PCSK6: variants seen among roughly 807,000 people sequenced by gnomAD.
PCSK6 encodes proprotein convertase subtilisin/kexin type 6.
In PCSK6, 85 loss-of-function variants were observed where a neutral mutation model predicts 123.3. The ratio of observed to expected loss-of-function variants is 0.69; its 90% CI spans 0.58 to 0.83. PCSK6 has a LOEUF of 0.83. Ranked by LOEUF, PCSK6 falls within the 40% of genes least tolerant of loss-of-function variation. PCSK6 has a pLI of 0.00. For synonymous variants in PCSK6, 508 were observed against 516.0 expected (o/e 0.98, Z 0.21); for missense variants, 1,191 against 1,282.3 (o/e 0.93, Z 1.09).
chr15:101,336,006 G>A (rs1420866148), intron 13 of PCSK6, among the ~76,000 whole-genome samples: 3 of 152,174 alleles, frequency 2.0e-5, no homozygotes, highest in African/African-American at 4.8e-5. Context: ...GTCAAAATAC[G>A]ACATTAGAAT....
intron 12 of PCSK6, among the ~76,000 whole-genome samples, chr15:101,368,043 T>G (rs2041453205): frequency 6.6e-6 from 1 of 152,242 alleles, no homozygotes. Flanking sequence ...CTCGAACTCC[T>G]GACCTCAGGT....
At chr15:101,350,785 T>C (rs915935307) in intron 13 of PCSK6, among the ~76,000 whole-genome samples, 7 of 152,194 alleles carry the variant, frequency 4.6e-5, no homozygotes, top group African/African-American at 1.7e-4. Context: ...ACGCTCCCCT[T>C]AAAGTGTGCT....
At chr15:101,344,285 A>G (rs2040683793) in intron 13 of PCSK6, among the ~76,000 whole-genome samples, 1 of 152,180 alleles carries the variant, frequency 6.6e-6, no homozygotes, top group Non-Finnish European at 1.5e-5. Flanking sequence ...TGTAGTTTTA[A>G]CAAGTTTTTG....
intron 1 of PCSK6, among the ~76,000 whole-genome samples, chr15:101,456,731 C>T (rs563721812): frequency 5.9e-5 from 9 of 152,172 alleles, no homozygotes; most frequent in Non-Finnish European, 1.0e-4. Context: ...GTGGAGGGAA[C>T]ATCTTCTCTA....
At position 101,326,438 on chromosome 15, in the gene PCSK6, G is replaced by C. The variant is rs2040254621; in HGVS notation, c.2119C>G (p.Pro707Ala). Residue 707 changes from proline (P) to alanine (A), a missense_variant, in exon 16 of 22, where the codon CCC becomes GCC. Around this residue, in one of 3 missense-constraint regions of PCSK6, gnomAD observed 630 missense variants for 631.4 expected, o/e 1.00. Coordinates refer to ENST00000611716, the MANE Select transcript of PCSK6 (RefSeq NM_002570.5). ...PECGDKGCDGPNADQCLNCVH... is the reference protein window; with the variant it reads ...PECGDKGCDGANADQCLNCVH... ...CAGTTCAAGCACTGGTCTGCATTGGGGCCATCACAGCCTTTGTCACCACAC... is the reference window on the plus strand; with the variant it reads ...CAGTTCAAGCACTGGTCTGCATTGGCGCCATCACAGCCTTTGTCACCACAC... The C allele has an allele frequency of 1.3e-6, 2 of 1,586,128 alleles. No homozygotes were observed. Among genetic ancestry groups the C allele is most frequent in the African/African-American group, 2.7e-5 (2 of 74,356 alleles).
intron 11 of PCSK6, among the ~76,000 whole-genome samples, chr15:101,372,473 C>A (rs2041615258): frequency 6.6e-6 from 1 of 152,226 alleles, no homozygotes; most frequent in Admixed American, 6.5e-5. Flanking sequence ...TCTAGAGATG[C>A]TGACTTCCTT....
In PCSK6 at chr15:101,304,946, T is replaced by G. The variant is rs2039687808; in HGVS notation, c.*312A>C. 2 of 309,978 alleles carry G rather than the reference T, an allele frequency of 6.5e-6. No homozygotes were observed. Among genetic ancestry groups the G allele is most frequent in the African/African-American group, 4.3e-5 (2 of 46,998 alleles). 19.2% of individuals were successfully genotyped at this position (309,978 alleles called of 1,614,324 possible). A position where few individuals can be genotyped will look rare whatever the true frequency, so the allele number is the denominator to read the frequency against. ...TTCTTTTCTGCTTTGGTCTTGAAGA[T>G]TCAGTAAACTTATGGTCCCAGAAGC... is the stretch of plus-strand genomic sequence containing the variant. On this transcript the variant is annotated 3_prime_UTR_variant, in exon 22 of 22. Transcript: ENST00000611716.
In PCSK6 at chr15:101,305,288, G is replaced by A. The variant is rs1263217287; in HGVS notation, c.2880C>T (p.Phe960=). Reference sequence around the variant, plus strand: ...CGGCCAGGAGGCACGTGCGGCAGCAGAACTGAATGAAGAGCTTCCGTTCGC... The same window carrying A: ...CGGCCAGGAGGCACGTGCGGCAGCAAAACTGAATGAAGAGCTTCCGTTCGC... ...RLCERKLFIQ[F]CCRTCLLAG is the part of the protein sequence containing the mutation. The change falls in exon 22 of 22, where the codon TTC becomes TTT. Residue 960 remains phenylalanine (F), a synonymous_variant. Transcript: ENST00000611716. This position sits in a 1 kb window ranked among gnomAD's most constrained non-coding sequence, Gnocchi z 4.8. 1.9e-6 allele frequency: 3 copies of A among 1,612,476 alleles called. No individual in the cohort carries two copies. Among genetic ancestry groups the A allele is most frequent in the South Asian group, 2.2e-5 (2 of 90,982 alleles).
chr15:101,313,235 TCTGTAAATGGGCTC>T, intron 20 of PCSK6, 127 bp downstream of exon 20: 1 of 1,555,086 alleles, frequency 6.4e-7, no homozygotes, highest in Non-Finnish European at 8.7e-7. Flanking sequence ...CCTCAGCAGC[TCTGTAAATGGGCTC>T]CTGTCCACAG....
chr15:101,429,675 G>C (rs934887217), intron 5 of PCSK6, among the ~76,000 whole-genome samples: 2 of 152,216 alleles, frequency 1.3e-5, no homozygotes, highest in Non-Finnish European at 2.9e-5. Flanking sequence ...TCATGGAGAC[G>C]GTTAGACTTA....
At chr15:101,454,902 A>G (rs1449397021) in intron 1 of PCSK6, among the ~76,000 whole-genome samples, 1 of 152,122 alleles carries the variant, frequency 6.6e-6, no homozygotes, top group African/African-American at 2.4e-5. Flanking sequence ...CCAAGATCAC[A>G]CCACTGCAGT....
rs183784755 is a variant in PCSK6 at position 101,319,285 on chromosome 15, C to T, written c.2466-863G>A. Among the ~76,000 whole-genome samples the T allele has an allele frequency of 9.0e-3, 1,368 of 152,158 alleles. 4 individuals are homozygous for T. The highest frequency in any genetic ancestry group is 0.014 in the Non-Finnish European group (936 of 68,024). ...AGATTATACTGTGTACAGTCTGTGA[C>T]GTACATGTTCTAGATGGGTTTGCCA... On this transcript the variant is annotated intron_variant, in intron 18 of 21. Coordinates refer to ENST00000611716, the MANE Select transcript of PCSK6 (RefSeq NM_002570.5).
chr15:101,412,874 G>A (rs539144290), intron 6 of PCSK6, among the ~76,000 whole-genome samples: 20 of 151,804 alleles, frequency 1.3e-4, no homozygotes, highest in Admixed American at 1.0e-3. Context: ...TGTAATCCCA[G>A]CCCTTTGGGA....
chr15:101,344,544 T>C (rs2040688002), intron 13 of PCSK6, among the ~76,000 whole-genome samples: 1 of 152,176 alleles, frequency 6.6e-6, no homozygotes, highest in African/African-American at 2.4e-5. Flanking sequence ...GAGTTTCCCC[T>C]TGGCTGAACT....
intron 1 of PCSK6, among the ~76,000 whole-genome samples, chr15:101,463,897 C>T (rs1331292729): frequency 1.3e-5 from 2 of 152,146 alleles, no homozygotes; most frequent in African/African-American, 2.4e-5. Flanking sequence ...TATAAACATT[C>T]AACTAGTAAT....
At position 101,489,361 on chromosome 15, in the gene PCSK6, C is replaced by G. The variant is rs761683740; in HGVS notation, c.297+13G>C. The G allele has an allele frequency of 7.7e-6, 9 of 1,169,044 alleles. No individual in the cohort carries two copies. In the South Asian group the frequency reaches 2.0e-4, roughly 26 times the overall value. The allele number at this position is 1,169,044 out of a possible 1,614,324, so 72.4% of individuals were successfully genotyped here. On this transcript the variant is annotated intron_variant, in intron 1 of 21. Coordinates refer to ENST00000611716, the MANE Select transcript of PCSK6 (RefSeq NM_002570.5). ...CGGGAAAGTTTTGGGCGCGCGGGGCCGGCCGCACTCACCTGGCCCAAGTTG... is the reference window on the plus strand; with the variant it reads ...CGGGAAAGTTTTGGGCGCGCGGGGCGGGCCGCACTCACCTGGCCCAAGTTG...
intron 12 of PCSK6, among the ~76,000 whole-genome samples, chr15:101,367,282 G>A (rs1596241848): frequency 6.6e-6 from 1 of 152,116 alleles, no homozygotes; most frequent in Admixed American, 6.5e-5. Flanking sequence ...TCAATTCCAG[G>A]TTTTTTCCTC....
At chr15:101,405,673 C>G (rs9672627) in intron 6 of PCSK6, among the ~76,000 whole-genome samples, 2,084 of 146,670 alleles carry the variant, frequency 0.014, 43 homozygotes, top group African/African-American at 0.05. Context: ...TTACAACTCA[C>G]TTAGTGAAGC....
At chr15:101,412,710 T>C (rs1567202549) in intron 6 of PCSK6, among the ~76,000 whole-genome samples, 2 of 139,294 alleles carry the variant, frequency 1.4e-5, no homozygotes, top group African/African-American at 2.9e-5. Flanking sequence ...TATATATATA[T>C]ATAAAATTAC....
Sources: allele counts gnomAD v4.1 joint callset (sites outside exome capture counted in the v4.1 genomes callset), GRCh38; gene constraint gnomAD v4.1.1; regional missense constraint gnomAD v4.1.1; non-coding constraint Gnocchi (gnomAD v3.1); transcripts MANE v1.5; gene names NCBI Gene and HGNC (gene_info 2026-07-23, HGNC 2026-07-21).